OSBPL6: variants seen among roughly 807,000 people sequenced by gnomAD.
OSBPL6 encodes the protein oxysterol-binding protein-related protein 6.
Under a neutral mutation model 125.8 loss-of-function variants are expected in OSBPL6, and 49 were observed. The ratio of observed to expected loss-of-function variants is 0.39; its 90% confidence interval spans 0.31 to 0.49. OSBPL6 has a LOEUF of 0.49. Ranked by LOEUF, OSBPL6 falls within the 20% of genes least tolerant of loss-of-function variation. The probability of loss-of-function intolerance (pLI) is 0.88; values close to 1 mark genes in which losing one functional copy is unlikely to be tolerated. For missense variants in OSBPL6, 986 were observed against 1,135.4 expected, an observed-to-expected ratio of 0.87 and a Z score of 1.89; for synonymous variants, 394 against 391.8, an observed-to-expected ratio of 1.01 and a Z score of -0.07.
intron 11 of OSBPL6, among the ~76,000 whole-genome samples, chr2:178,344,901 G>A (rs1674831123): frequency 6.6e-6 from 1 of 151,868 alleles, no homozygotes; most frequent in African/African-American, 2.4e-5. Flanking sequence ...TTTCTGAAAA[G>A]AATATTGACA....
intron 1 of OSBPL6, among the ~76,000 whole-genome samples, chr2:178,249,503 T>C (rs1329695642): frequency 6.6e-6 from 1 of 152,204 alleles, no homozygotes; most frequent in Non-Finnish European, 1.5e-5. Flanking sequence ...ATCTCTGATA[T>C]GTAAGGGAGT....
chr2:178,297,098 A>G (rs1341802872), intron 2 of OSBPL6, among the ~76,000 whole-genome samples: 1 of 152,090 alleles, frequency 6.6e-6, no homozygotes, highest in Non-Finnish European at 1.5e-5. Flanking sequence ...TACTGCATCT[A>G]TTTCCTATTC....
At chr2:178,194,161 C>A (rs1394178050), upstream of OSBPL6, among the ~76,000 whole-genome samples, 2 of 152,172 alleles carry the variant, frequency 1.3e-5, no homozygotes, top group African/African-American at 2.4e-5. Context: ...TCCGCTACTG[C>A]GCGCAGGCCC....
intron 13 of OSBPL6, among the ~76,000 whole-genome samples, chr2:178,366,621 A>T (rs906120564): frequency 5.9e-5 from 9 of 152,224 alleles, no homozygotes; most frequent in Non-Finnish European, 8.8e-5. Flanking sequence ...ATGTAAATAG[A>T]ATTGAAGCAA....
At chr2:178,256,924 C>T (rs1052290589) in intron 1 of OSBPL6, among the ~76,000 whole-genome samples, 1 of 152,034 alleles carries the variant, frequency 6.6e-6, no homozygotes, top group African/African-American at 2.4e-5. Flanking sequence ...AACTGTCTCT[C>T]AATATGACTT....
At chr2:178,358,067 C>T (rs375062096) in intron 12 of OSBPL6, among the ~76,000 whole-genome samples, 21 of 152,142 alleles carry the variant, frequency 1.4e-4, no homozygotes, top group East Asian at 1.4e-3. Flanking sequence ...GAACATCACA[C>T]GCTGGGGCCT....
intron 1 of OSBPL6, among the ~76,000 whole-genome samples, chr2:178,284,530 G>A (rs1308799722): frequency 2.0e-5 from 3 of 152,200 alleles, no homozygotes; most frequent in Non-Finnish European, 2.9e-5. Flanking sequence ...TCCACCCTGG[G>A]CATTGCAGCG....
At chr2:178,375,249 C>T (rs551347069) in intron 15 of OSBPL6, among the ~76,000 whole-genome samples, 2 of 152,180 alleles carry the variant, frequency 1.3e-5, no homozygotes, top group Non-Finnish European at 2.9e-5. Flanking sequence ...CACCCTCCAT[C>T]ATAGGGATAC....
At chr2:178,346,532 C>T (rs530737521) in intron 11 of OSBPL6, among the ~76,000 whole-genome samples, 9 of 152,172 alleles carry the variant, frequency 5.9e-5, no homozygotes, top group Non-Finnish European at 1.0e-4. Flanking sequence ...GAATATTCTA[C>T]GATCAGGCTT....
At chr2:178,200,039 A>G (rs1445037495) in intron 1 of OSBPL6, among the ~76,000 whole-genome samples, 1 of 152,124 alleles carries the variant, frequency 6.6e-6, no homozygotes, top group Non-Finnish European at 1.5e-5. Context: ...TGAGCTGGCC[A>G]AATTTTGTGA....
chr2:178,343,004 G>GTGTA (rs1038858206), intron 11 of OSBPL6, among the ~76,000 whole-genome samples: 2 of 152,046 alleles, frequency 1.3e-5, no homozygotes, highest in East Asian at 1.9e-4. Context: ...CAGATTATGT[G>GTGTA]TGTATGTATG....
chr2:178,376,717 T>G (rs1270806865), intron 15 of OSBPL6, among the ~76,000 whole-genome samples: 3 of 152,210 alleles, frequency 2.0e-5, no homozygotes, highest in African/African-American at 7.2e-5. Flanking sequence ...TCCAGCCTCA[T>G]GCCACCTGTC....
At chr2:178,215,046 C>CAAGTTGACACAAAAA (rs2090033809) in intron 1 of OSBPL6, among the ~76,000 whole-genome samples, 4 of 150,660 alleles carry the variant, frequency 2.7e-5, no homozygotes, top group African/African-American at 9.7e-5. Flanking sequence ...TAAAATTGAC[C>CAAGTTGACACAAAAA]ATCAAATAAG....
intron 15 of OSBPL6, 87 bp downstream of exon 15, chr2:178,374,114 A>G (rs10190530): frequency 0.54 from 774,439 of 1,439,264 alleles, 213,136 homozygotes; most frequent in East Asian, 0.91. Flanking sequence ...CTTTTTGGTG[A>G]TTACTTTCAT....
intron 1 of OSBPL6, among the ~76,000 whole-genome samples, chr2:178,256,748 T>C (rs1021628446): frequency 4.6e-5 from 7 of 152,206 alleles, no homozygotes; most frequent in African/African-American, 1.4e-4. Flanking sequence ...GTGATTTTCT[T>C]ATAAGTATGT....
At chr2:178,348,910 T>C (rs1690977917) in intron 11 of OSBPL6, among the ~76,000 whole-genome samples, 1 of 152,206 alleles carries the variant, frequency 6.6e-6, no homozygotes, top group Non-Finnish European at 1.5e-5. Context: ...CTGCCAGTTA[T>C]TTTTGAGGTG....
At chr2:178,194,109 G>A (rs1211389331), upstream of OSBPL6, among the ~76,000 whole-genome samples, 1 of 152,230 alleles carries the variant, frequency 6.6e-6, no homozygotes, top group African/African-American at 2.4e-5. Context: ...ACCCTCCCGA[G>A]CGCGGCCGGC....
In OSBPL6 at chr2:178,275,741, A is replaced by G. The variant is rs536170793; in HGVS notation, c.-350-9186A>G. The stretch of plus-strand genomic sequence containing the variant: ...CAAACGGAGAAAAAAAAGAGGGAAA[A>G]AAAAAAAGAGGAACCAGTAAAGCTG... On this transcript the variant is annotated intron_variant, in intron 1 of 24. Transcript: ENST00000190611. Among the ~76,000 whole-genome samples, 100 of 151,886 alleles carry G rather than the reference A, an allele frequency of 6.6e-4. 1 individual carries two copies. The East Asian group carries it at 0.016, about 25-fold the overall frequency.
chr2:178,382,649 T>C (rs1392892419), intron 16 of OSBPL6, 142 bp downstream of exon 16: 1 of 1,520,882 alleles, frequency 6.6e-7, no homozygotes, highest in Non-Finnish European at 8.8e-7. Context: ...CAATACATTC[T>C]ATTTTGTATG....
Sources: gnomAD v4.1 joint callset for allele counts (sites outside exome capture counted in the v4.1 genomes callset) on GRCh38, gnomAD v4.1.1 for gene constraint, MANE v1.5 for transcripts, NCBI Gene and HGNC (gene_info 2026-07-23, HGNC 2026-07-21) for gene names.